Variants in PRKCH observed in about 807,000 individuals in gnomAD.
The protein encoded by PRKCH is protein kinase C eta type.
In PRKCH, 28 loss-of-function variants were observed where a neutral mutation model predicts 82.5. The observed-to-expected ratio is 0.34, with a 90% CI of 0.25 to 0.47. The LOEUF (loss-of-function observed/expected upper bound fraction) is 0.47, where lower values mean the gene tolerates loss of function less well. Ranked by LOEUF, PRKCH falls within the 20% of genes least tolerant of loss-of-function variation. PRKCH has a pLI of 1.00. For synonymous variants in PRKCH, 322 were observed against 327.4 expected (o/e 0.98, Z 0.18); for missense variants, 705 against 881.8 (o/e 0.80, Z 2.54).
chr14:61,366,080 G>T (rs934500874), intron 1 of PRKCH, among the ~76,000 whole-genome samples: 1 of 152,014 alleles, frequency 6.6e-6, no homozygotes, highest in Non-Finnish European at 1.5e-5. Context: ...ATGATGATGT[G>T]TTACCTCCCA....
At chr14:61,540,819 C>A (rs1424955566) in intron 12 of PRKCH, among the ~76,000 whole-genome samples, 1 of 152,188 alleles carries the variant, frequency 6.6e-6, no homozygotes. Context: ...CCATCCAGAT[C>A]CAATCTTAGC....
chr14:61,394,805 T>C (rs1233165735), intron 2 of PRKCH, among the ~76,000 whole-genome samples: 1 of 152,214 alleles, frequency 6.6e-6, no homozygotes, highest in Non-Finnish European at 1.5e-5. Context: ...GGTAAAATTG[T>C]GAGATGAGTT....
chr14:61,332,171 A>G (rs1011653137), intron 1 of PRKCH, among the ~76,000 whole-genome samples: 4 of 152,222 alleles, frequency 2.6e-5, no homozygotes, highest in African/African-American at 9.6e-5. Context: ...CAGTCTATGT[A>G]TCCACCCAGG....
chr14:61,360,085 C>T (rs531936923), intron 1 of PRKCH, among the ~76,000 whole-genome samples: 110 of 152,286 alleles, frequency 7.2e-4, no homozygotes, highest in Non-Finnish European at 1.2e-3. Flanking sequence ...TCTTTAGCGA[C>T]AATAGCATTC....
intron 2 of PRKCH, among the ~76,000 whole-genome samples, chr14:61,391,599 C>T (rs958191019): frequency 7.2e-5 from 11 of 151,948 alleles, no homozygotes; most frequent in Admixed American, 5.2e-4. Flanking sequence ...TGGAACTCTA[C>T]GTCTTTGGTT....
At chr14:61,417,747 T>C (rs1882634462) in intron 2 of PRKCH, among the ~76,000 whole-genome samples, 1 of 152,190 alleles carries the variant, frequency 6.6e-6, no homozygotes, top group Non-Finnish European at 1.5e-5. Flanking sequence ...ACTGTTTCCT[T>C]TAAAAAAAGA....
intron 1 of PRKCH, among the ~76,000 whole-genome samples, chr14:61,217,442 A>G (rs2044623845): frequency 1.3e-5 from 2 of 152,324 alleles, no homozygotes; most frequent in South Asian, 4.1e-4. Context: ...AAAAAATAAA[A>G]GAGAAACGAA....
intron 1 of PRKCH, among the ~76,000 whole-genome samples, chr14:61,287,746 A>C (rs553218216): frequency 6.6e-6 from 1 of 151,640 alleles, no homozygotes; most frequent in East Asian, 1.9e-4. Flanking sequence ...TAGACTGCCC[A>C]GTGTGGCCAG....
chr14:61,302,984 A>G (rs1244763490), intron 1 of PRKCH: 1 of 151,000 alleles, frequency 6.6e-6, no homozygotes, highest in Non-Finnish European at 1.5e-5. Context: ...TTCAACTGTG[A>G]TTACAGATTT....
chr14:61,452,743 A>G (rs1181040519), intron 6 of PRKCH: 1 of 163,926 alleles, frequency 6.1e-6, no homozygotes, highest in Non-Finnish European at 1.3e-5. Flanking sequence ...CTGCAGATAG[A>G]GGTTTTTCTT....
chr14:61,389,243 G>A (rs555851249), intron 1 of PRKCH, among the ~76,000 whole-genome samples: 1 of 152,044 alleles, frequency 6.6e-6, no homozygotes, highest in South Asian at 2.1e-4. Flanking sequence ...CCAGCTACTT[G>A]GGGGGCTGAG....
At chr14:61,530,186 A>G (rs1395508935) in intron 11 of PRKCH, among the ~76,000 whole-genome samples, 1 of 152,166 alleles carries the variant, frequency 6.6e-6, no homozygotes, top group African/African-American at 2.4e-5. Flanking sequence ...TGGCCCAATC[A>G]GGCCATAAAT....
chr14:61,257,443 C>T (rs1202028062), intron 1 of PRKCH, among the ~76,000 whole-genome samples: 1 of 152,076 alleles, frequency 6.6e-6, no homozygotes, highest in Non-Finnish European at 1.5e-5. Context: ...CCTATTTGTT[C>T]TCTGCATTTT....
chr14:61,409,599 G>A lies in PRKCH; in HGVS notation c.427+18311G>A, dbSNP rs577437459. 9.9e-5 allele frequency among the ~76,000 whole-genome samples: 15 copies of A among 151,180 alleles called. No homozygotes were observed. The South Asian group carries it at 3.1e-3, about 32-fold the overall frequency. On this transcript the variant is annotated intron_variant, in intron 2 of 13. Transcript: ENST00000332981. ...ACCTGTATTCCCAGTTACTTGGGAG[G>A]CAAGAAGATTGCCTGAACCCAGAGG...
rs2045330548 is a variant in PRKCH, at chr14:61,288,093, C to T, written c.-19+100425C>T. On this transcript the variant is annotated intron_variant, in intron 1 of 3. Coordinates refer to the PRKCH transcript ENST00000555185. Reference sequence around the variant, plus strand: ...GAGCAAAGCCATATATTCTAACAGCCATAAACTAGGGAGAGAGGGGTGACA... The same window carrying T: ...GAGCAAAGCCATATATTCTAACAGCTATAAACTAGGGAGAGAGGGGTGACA... Among the ~76,000 whole-genome samples the T allele has an allele frequency of 1.3e-5, 2 of 152,016 alleles. 1 individual carries two copies. Among genetic ancestry groups the T allele is most frequent in the South Asian group, 4.2e-4 (2 of 4,814 alleles).
At chr14:61,328,288 C>G (rs1399683551) in intron 1 of PRKCH, among the ~76,000 whole-genome samples, 1 of 142,530 alleles carries the variant, frequency 7.0e-6, no homozygotes, top group African/African-American at 2.7e-5. Flanking sequence ...AAAAGAAAGA[C>G]TGGGCCTGAC....
chr14:61,188,522 G>C (rs1252060986), intron 1 of PRKCH, among the ~76,000 whole-genome samples: 3 of 151,572 alleles, frequency 2.0e-5, no homozygotes, highest in Non-Finnish European at 2.9e-5. Context: ...GGCGCCTCCC[G>C]GCTCCGGGGT....
chr14:61,304,638 A>C (rs1216850186), intron 1 of PRKCH: 3 of 149,722 alleles, frequency 2.0e-5, no homozygotes, highest in Non-Finnish European at 4.4e-5. Context: ...CAGTTTGGGC[A>C]ACGTAGCTGA....
intron 1 of PRKCH, among the ~76,000 whole-genome samples, chr14:61,327,678 T>C (rs1206376827): frequency 6.6e-6 from 1 of 152,216 alleles, no homozygotes; most frequent in Non-Finnish European, 1.5e-5. Flanking sequence ...TTAATGAATT[T>C]GCTTATTATA....
Sources: allele counts gnomAD v4.1 joint callset (sites outside exome capture counted in the v4.1 genomes callset), GRCh38; gene constraint gnomAD v4.1.1; transcripts MANE v1.5; gene names NCBI Gene and HGNC (gene_info 2026-07-23, HGNC 2026-07-21).